Variants in CDC42BPA observed in about 807,000 individuals in gnomAD.
The protein encoded by CDC42BPA is CDC42 binding protein kinase alpha.
A neutral mutation model predicts 223.5 loss-of-function variants in CDC42BPA; 80 were observed. The observed-to-expected ratio is 0.36, with a 90% CI of 0.30 to 0.43. CDC42BPA has a LOEUF of 0.43. Among genes scored for constraint, CDC42BPA ranks in the 20% least tolerant of loss-of-function variants. The pLI is 1.00. For missense variants in CDC42BPA, 1,743 were observed against 2,099.9 expected (o/e 0.83, Z 3.32); for synonymous variants, 694 against 718.6 (o/e 0.97, Z 0.55).
intron 3 of CDC42BPA, among the ~76,000 whole-genome samples, chr1:227,201,650 T>C (rs1021109297): frequency 4.8e-5 from 7 of 147,230 alleles, no homozygotes; most frequent in Admixed American, 4.1e-4. Flanking sequence ...TCTGTGTCTA[T>C]ATAAGCATGC....
chr1:227,106,392 T>C (rs572740811), intron 14 of CDC42BPA, among the ~76,000 whole-genome samples: 1 of 152,308 alleles, frequency 6.6e-6, no homozygotes, highest in East Asian at 1.9e-4. Flanking sequence ...TAAGCTGTCT[T>C]TTTACTTTCT....
At chr1:227,140,270 A>T (rs977458169) in intron 9 of CDC42BPA, among the ~76,000 whole-genome samples, 48 of 152,200 alleles carry the variant, frequency 3.2e-4, no homozygotes, top group African/African-American at 1.2e-3. Flanking sequence ...CTGAGACAGA[A>T]ATAAAGAAAA....
intron 2 of CDC42BPA, among the ~76,000 whole-genome samples, chr1:227,248,880 A>T (rs189929422): frequency 6.6e-6 from 1 of 152,346 alleles, no homozygotes; most frequent in Admixed American, 6.5e-5. Flanking sequence ...TACAGATTCA[A>T]TGCAATCCCT....
At chr1:227,025,737 C>T (rs1408329919) in intron 31 of CDC42BPA, among the ~76,000 whole-genome samples, 1 of 152,066 alleles carries the variant, frequency 6.6e-6, no homozygotes, top group African/African-American at 2.4e-5. Context: ...TAATCATGTA[C>T]TCTCTCAGAG....
rs1485441109 is a variant in CDC42BPA, at chr1:227,174,354, T to C, written c.600-13718A>G. Reference sequence around the variant, plus strand: ...GCCTCAAAATATTTCTATCTCATTGTAAAAGTAATGATTTTACACATTCCA... The same window carrying C: ...GCCTCAAAATATTTCTATCTCATTGCAAAAGTAATGATTTTACACATTCCA... On this transcript the variant is annotated intron_variant, in intron 5 of 36. Transcript: ENST00000366766. Among the ~76,000 whole-genome samples the C allele has an allele frequency of 2.0e-5, 3 of 152,170 alleles. No individual in the cohort carries two copies. The East Asian group carries it at 5.8e-4, about 29-fold the overall frequency.
intron 1 of CDC42BPA, among the ~76,000 whole-genome samples, chr1:227,274,112 C>A (rs747373335): frequency 6.6e-6 from 1 of 150,698 alleles, no homozygotes; most frequent in Non-Finnish European, 1.5e-5. Context: ...GCAGCAATTC[C>A]GTAGTATATA....
chr1:227,194,005 G>A (rs1670243043), intron 4 of CDC42BPA, 71 bp from the exon 5 acceptor site: 5 of 1,034,900 alleles, frequency 4.8e-6, no homozygotes, highest in Admixed American at 4.9e-5. Flanking sequence ...TGTATCCCAA[G>A]GTCAACAGGA....
rs1268865281 is a variant in CDC42BPA at position 227,129,122 on chromosome 1, T to C, written c.1500A>G (p.Arg500=). Residue 500 remains arginine, a synonymous_variant, in exon 11 of 37, where the codon AGA becomes AGG. Coordinates refer to ENST00000366766, the MANE Select transcript of CDC42BPA (RefSeq NM_001394014.1). ...ACAGATATTTACCTGTTACTTGTTT[T>C]CTTAGTTTTTCAATTTCTTCTTTTA... ...KNLKEEIEKL[R]KQVTESSHLE... 2 of 1,439,388 alleles carry C rather than the reference T, an allele frequency of 1.4e-6. No homozygotes were observed. The highest frequency in any genetic ancestry group is 1.2e-5 in the South Asian group (1 of 83,114). The allele number at this position is 1,439,388 out of a possible 1,614,324, so 89.2% of individuals were successfully genotyped here.
intron 5 of CDC42BPA, among the ~76,000 whole-genome samples, chr1:227,161,926 T>C (rs1663980810): frequency 6.6e-6 from 1 of 152,198 alleles, no homozygotes; most frequent in South Asian, 2.1e-4. Flanking sequence ...ATCCTCAACA[T>C]TTGACTGTAT....
chr1:227,261,097 A>T (rs1158613113), intron 1 of CDC42BPA, among the ~76,000 whole-genome samples: 5 of 145,736 alleles, frequency 3.4e-5, no homozygotes, highest in Non-Finnish European at 6.0e-5. Flanking sequence ...TCATATTAAA[A>T]TTTTTTAACA....
intron 34 of CDC42BPA, among the ~76,000 whole-genome samples, chr1:227,012,450 A>G (rs1185993904): frequency 6.9e-6 from 1 of 144,816 alleles, no homozygotes; most frequent in Non-Finnish European, 1.6e-5. Context: ...ATAGAGGAAT[A>G]TGACTCCCTT....
chr1:227,301,780 C>A, intron 1 of CDC42BPA, among the ~76,000 whole-genome samples: 1 of 152,222 alleles, frequency 6.6e-6, no homozygotes. Flanking sequence ...ACGCCCCGTA[C>A]CTACTATCAC....
intron 10 of CDC42BPA, among the ~76,000 whole-genome samples, chr1:227,134,348 A>G (rs1435288402): frequency 6.6e-6 from 1 of 152,232 alleles, no homozygotes; most frequent in Middle Eastern, 3.2e-3. Flanking sequence ...AAAAAAATAC[A>G]CAGTCATTTA....
chr1:227,251,004 G>C (rs753284869), intron 2 of CDC42BPA, among the ~76,000 whole-genome samples: 1 of 152,246 alleles, frequency 6.6e-6, no homozygotes, highest in East Asian at 1.9e-4. Context: ...AGTGAGCTAT[G>C]ATCACACCAC....
intron 2 of CDC42BPA, among the ~76,000 whole-genome samples, chr1:227,228,413 T>C (rs532451868): frequency 1.3e-5 from 2 of 152,348 alleles, no homozygotes; most frequent in South Asian, 4.1e-4. Flanking sequence ...CACATTTTGT[T>C]TATGCATTCA....
chr1:227,131,540 T>C (rs1481141389), intron 10 of CDC42BPA, among the ~76,000 whole-genome samples: 1 of 152,214 alleles, frequency 6.6e-6, no homozygotes, highest in Non-Finnish European at 1.5e-5. Context: ...CTTGGTGTAC[T>C]CTGCCAATGA....
intron 1 of CDC42BPA, among the ~76,000 whole-genome samples, chr1:227,298,277 A>G (rs1390249573): frequency 6.6e-6 from 1 of 152,046 alleles, no homozygotes; most frequent in Non-Finnish European, 1.5e-5. Context: ...CAAACACATA[A>G]AAAATAACAA....
In CDC42BPA at chr1:227,073,835, T is replaced by G. The variant is rs936702412; in HGVS notation, c.2735+29A>C. ...TAATTATGACAAACTTAGAAATTAT[T>G]CTAGTGGGACTATATGATTCAATCT... is the stretch of plus-strand genomic sequence containing the variant. On this transcript the variant is annotated intron_variant, in intron 19 of 36. Coordinates refer to ENST00000366766, the MANE Select transcript of CDC42BPA (RefSeq NM_001394014.1). The G allele has an allele frequency of 6.2e-6, 9 of 1,459,618 alleles. No homozygotes were observed. The African/African-American group carries it at 1.3e-4, about 22-fold the overall frequency. 90.4% of individuals were successfully genotyped at this position (1,459,618 alleles called of 1,614,324 possible).
rs550433711 is a variant in CDC42BPA, at chr1:227,162,015, T to C, written c.600-1379A>G. Among the ~76,000 whole-genome samples the C allele has an allele frequency of 2.0e-4, 31 of 152,328 alleles. No individual in the cohort carries two copies. In the East Asian group the frequency reaches 5.8e-3, roughly 28 times the overall value. On this transcript the variant is annotated intron_variant, in intron 5 of 36. Coordinates refer to ENST00000366766, the MANE Select transcript of CDC42BPA (RefSeq NM_001394014.1). ...TAGTTCTGGAAGGAAGCTTAGCAAT[T>C]ACTAAGACCATTTTTAGATGAGGAA...
Sources: gnomAD v4.1 joint callset for allele counts (sites outside exome capture counted in the v4.1 genomes callset) on GRCh38, gnomAD v4.1.1 for gene constraint, MANE v1.5 for transcripts, NCBI Gene and HGNC (gene_info 2026-07-23, HGNC 2026-07-21) for gene names.